Variants in STARD3NL observed in about 807,000 individuals in gnomAD.
The protein encoded by STARD3NL is STARD3 N-terminal-like protein.
A neutral mutation model predicts 30.9 loss-of-function variants in STARD3NL; 17 were observed. The ratio of observed to expected loss-of-function variants is 0.55; its 90% CI spans 0.38 to 0.82. The LOEUF (loss-of-function observed/expected upper bound fraction) is 0.82, where lower values mean the gene tolerates loss of function less well. STARD3NL is among the 40% of genes least tolerant of loss of function. The pLI is 0.00. For synonymous variants in STARD3NL, 112 were observed against 100.5 expected (o/e 1.11, Z -0.69); for missense variants, 234 against 277.6 (o/e 0.84, Z 1.12).
chr7:38,218,341 A>G (rs1786243938), intron 6 of STARD3NL, among the ~76,000 whole-genome samples: 1 of 152,262 alleles, frequency 6.6e-6, no homozygotes, highest in Non-Finnish European at 1.5e-5. Flanking sequence ...TAGAAGAAAT[A>G]TATAAGAAAA....
At chr7:38,187,696 A>G (rs577673372) in intron 1 of STARD3NL, among the ~76,000 whole-genome samples, 1 of 152,246 alleles carries the variant, frequency 6.6e-6, no homozygotes, top group Non-Finnish European at 1.5e-5. Context: ...TATGTTTTAA[A>G]ATTTCATCTC....
chr7:38,221,450 T>G (rs1437782928), intron 7 of STARD3NL, among the ~76,000 whole-genome samples: 1 of 152,176 alleles, frequency 6.6e-6, no homozygotes, highest in Non-Finnish European at 1.5e-5. Flanking sequence ...ATGCCTGGCA[T>G]ATTAGATGTT....
intron 1 of STARD3NL, among the ~76,000 whole-genome samples, chr7:38,195,763 G>A (rs982547124): frequency 1.3e-4 from 20 of 152,164 alleles, no homozygotes; most frequent in Admixed American, 3.9e-4. Flanking sequence ...CAGAATGTGC[G>A]AGTATTTTGT....
intron 7 of STARD3NL, among the ~76,000 whole-genome samples, chr7:38,225,270 TA>T (rs1786693829): frequency 6.6e-6 from 1 of 152,220 alleles, no homozygotes; most frequent in Admixed American, 6.5e-5. Context: ...GATTTACAAA[TA>T]TTTTTCCCAG....
At chr7:38,208,140 C>T (rs1269522022) in intron 2 of STARD3NL, among the ~76,000 whole-genome samples, 2 of 152,146 alleles carry the variant, frequency 1.3e-5, no homozygotes, top group Non-Finnish European at 2.9e-5. Flanking sequence ...CCCTCTGACC[C>T]ACAAAGGCAA....
intron 1 of STARD3NL, among the ~76,000 whole-genome samples, chr7:38,199,000 C>G (rs1406105314): frequency 6.6e-6 from 1 of 152,200 alleles, no homozygotes; most frequent in African/African-American, 2.4e-5. Context: ...ATAGAAATAG[C>G]TGACTGATAA....
rs919780308 is a variant in STARD3NL at position 38,205,458 on chromosome 7, C to G, written c.-58-1989C>G. On this transcript the variant is annotated intron_variant, in intron 1 of 8. Coordinates refer to ENST00000009041, the MANE Select transcript of STARD3NL (RefSeq NM_032016.4). ...GATTTTTAATTTAGTTATCATAACC[C>G]AGGCATTTTTTCTAAGTCATTATAA... Among the ~76,000 whole-genome samples, 4 of 152,002 alleles carry G rather than the reference C, an allele frequency of 2.6e-5. No homozygotes were observed. The East Asian group carries it at 7.7e-4, about 29-fold the overall frequency.
intron 1 of STARD3NL, among the ~76,000 whole-genome samples, chr7:38,193,492 GT>G (rs1784779147): frequency 1.3e-5 from 2 of 152,132 alleles, no homozygotes. Context: ...TAGAGACGGG[GT>G]TTCACTGTGT....
Position 38,219,669 on chromosome 7 carries a change from C to G in STARD3NL, c.649+9C>G. The G allele has an allele frequency of 1.2e-6, 2 of 1,607,944 alleles. No homozygotes were observed. Among genetic ancestry groups the G allele is most frequent in the Non-Finnish European group, 1.7e-6 (2 of 1,175,072 alleles). ...TCCTGAATCCGAAGCAGGTAAAAAA[C>G]TTGATTATTATTTGTGCTTGTATCT... On this transcript the variant is annotated intron_variant, in intron 7 of 8. Transcript: ENST00000009041.
intron 6 of STARD3NL, among the ~76,000 whole-genome samples, chr7:38,217,807 C>G (rs1342712688): frequency 6.6e-6 from 1 of 152,194 alleles, no homozygotes; most frequent in Non-Finnish European, 1.5e-5. Flanking sequence ...AGATGGGCCT[C>G]TGTTAGAACA....
chr7:38,195,088 T>C (rs1990362), intron 1 of STARD3NL, among the ~76,000 whole-genome samples: 125,964 of 152,106 alleles, frequency 0.83, 52,321 homozygotes, highest in African/African-American at 0.88. Flanking sequence ...GACTGAGTCT[T>C]GCTCTGTAGA....
At chr7:38,221,905 A>G (rs1336808817) in intron 7 of STARD3NL, among the ~76,000 whole-genome samples, 3 of 152,132 alleles carry the variant, frequency 2.0e-5, no homozygotes, top group Admixed American at 6.5e-5. Flanking sequence ...CTCCTCTGCA[A>G]TCCTAGTGTT....
intron 1 of STARD3NL, among the ~76,000 whole-genome samples, chr7:38,182,957 C>T (rs755361782): frequency 1.1e-4 from 16 of 152,150 alleles, no homozygotes; most frequent in African/African-American, 1.4e-4. Context: ...TTTTCCAGGA[C>T]GGTATACTTT....
At chr7:38,189,135 G>A (rs1245555923) in intron 1 of STARD3NL, among the ~76,000 whole-genome samples, 1 of 152,060 alleles carries the variant, frequency 6.6e-6, no homozygotes, top group Non-Finnish European at 1.5e-5. Context: ...GTGTGTGTGT[G>A]TGTGTCTGGG....
intron 1 of STARD3NL, among the ~76,000 whole-genome samples, chr7:38,205,405 GTGTC>G (rs1785404277): frequency 6.6e-6 from 1 of 152,074 alleles, no homozygotes; most frequent in African/African-American, 2.4e-5. Flanking sequence ...TGAACATACT[GTGTC>G]TGTGTGTATT....
At chr7:38,179,667 G>A (rs1319709202) in intron 1 of STARD3NL, among the ~76,000 whole-genome samples, 1 of 152,166 alleles carries the variant, frequency 6.6e-6, no homozygotes, top group Non-Finnish European at 1.5e-5. Flanking sequence ...AACTTTTGTT[G>A]GAGAATATAA....
At chr7:38,210,680 C>A (rs1481528085) in intron 2 of STARD3NL, among the ~76,000 whole-genome samples, 2 of 152,142 alleles carry the variant, frequency 1.3e-5, no homozygotes, top group Admixed American at 1.3e-4. Flanking sequence ...ACTCTTTTCC[C>A]TCTGCAGACT....
chr7:38,195,702 T>A (rs1479419887), intron 1 of STARD3NL, among the ~76,000 whole-genome samples: 2 of 152,238 alleles, frequency 1.3e-5, no homozygotes, highest in Non-Finnish European at 2.9e-5. Context: ...TGAGTGATGA[T>A]ACAACCTTTC....
At chr7:38,197,540 C>T (rs1368640878) in intron 1 of STARD3NL, among the ~76,000 whole-genome samples, 2 of 152,078 alleles carry the variant, frequency 1.3e-5, no homozygotes, top group Non-Finnish European at 2.9e-5. Context: ...ATCTACAAAC[C>T]ATCTTTGAGG....
Sources: gnomAD v4.1 joint callset for allele counts (sites outside exome capture counted in the v4.1 genomes callset) on GRCh38, gnomAD v4.1.1 for gene constraint, MANE v1.5 for transcripts, NCBI Gene and HGNC (gene_info 2026-07-23, HGNC 2026-07-21) for gene names.